OLFM2: variants seen among roughly 807,000 people sequenced by gnomAD.
OLFM2 encodes olfactomedin 2.
A neutral mutation model predicts 43.9 loss-of-function variants in OLFM2; 20 were observed. The ratio of observed to expected loss-of-function variants is 0.46; its 90% CI spans 0.32 to 0.66. The LOEUF is 0.66. Ranked by LOEUF, OLFM2 falls within the 30% of genes least tolerant of loss-of-function variation. The pLI is 0.04. For missense variants in OLFM2, 416 were observed against 643.6 expected, an observed-to-expected ratio of 0.65 and a Z score of 3.83; for synonymous variants, 268 against 278.6, an observed-to-expected ratio of 0.96 and a Z score of 0.38.
At chr19:9,920,120 AT>A (rs1170921099) in intron 1 of OLFM2, among the ~76,000 whole-genome samples, 1 of 151,872 alleles carries the variant, frequency 6.6e-6, no homozygotes, top group African/African-American at 2.4e-5. Flanking sequence ...CACCAAAAAA[AT>A]TTTTTTAAGT....
intron 1 of OLFM2, among the ~76,000 whole-genome samples, chr19:9,900,945 G>GGGAAGTAAGGAAGGAAGGAA (rs2046727219): frequency 1.1e-4 from 2 of 18,924 alleles, no homozygotes; most frequent in Non-Finnish European, 2.0e-4. Flanking sequence ...GGGAGGGAAG[G>GGGAAGTAAGGAAGGAAGGAA]GGAAGGAAGG....
chr19:9,909,181 T>C (rs1344873117), intron 1 of OLFM2, among the ~76,000 whole-genome samples: 1 of 152,044 alleles, frequency 6.6e-6, no homozygotes. Flanking sequence ...TCCTTATTCG[T>C]CCCATAAAGC....
At chr19:9,865,952 G>A (rs765400839) in intron 1 of OLFM2, among the ~76,000 whole-genome samples, 7 of 151,926 alleles carry the variant, frequency 4.6e-5, no homozygotes, top group East Asian at 1.9e-4. Flanking sequence ...AGACAAAGCC[G>A]CCGGTTCAAC....
At chr19:9,870,690 T>C (rs1165573324) in intron 1 of OLFM2, among the ~76,000 whole-genome samples, 1 of 151,844 alleles carries the variant, frequency 6.6e-6, no homozygotes, top group Non-Finnish European at 1.5e-5. Flanking sequence ...CCAGGCTAAC[T>C]CTTCCCCATC....
chr19:9,882,844 CTA>C (rs1305098299), intron 1 of OLFM2, among the ~76,000 whole-genome samples: 5 of 151,456 alleles, frequency 3.3e-5, no homozygotes, highest in African/African-American at 1.2e-4. Flanking sequence ...CAGGAGTGAG[CTA>C]TGATTGTGCC....
At chr19:9,936,222 A>C in intron 1 of OLFM2, 82 bp downstream of exon 1, 9 of 1,420,662 alleles carry the variant, frequency 6.3e-6, no homozygotes, top group African/African-American at 1.5e-5. Context: ...GGAGCCTCCC[A>C]ACCCCGTTTC....
chr19:9,856,056 ACAT>A lies in OLFM2; in HGVS notation c.687+748_687+750del, dbSNP rs1423598617. ...CATGAGGTGACCAGGCGTGTCATCAACATCATTGTTGTCATCATGTTAACTAGC... is the reference window on the plus strand; with the variant it reads ...CATGAGGTGACCAGGCGTGTCATCAACATTGTTGTCATCATGTTAACTAGC... On this transcript the variant is annotated intron_variant, in intron 5 of 5. Coordinates refer to ENST00000264833, the MANE Select transcript of OLFM2 (RefSeq NM_058164.4). This position sits in a 1 kb window ranked among gnomAD's most constrained non-coding sequence, Gnocchi z 4.0. Among the ~76,000 whole-genome samples, 5 of 152,092 alleles carry A rather than the reference ACAT, an allele frequency of 3.3e-5. No individual in the cohort carries two copies. Among genetic ancestry groups the A allele is most frequent in the African/African-American group, 1.2e-4 (5 of 41,406 alleles).
intron 1 of OLFM2, among the ~76,000 whole-genome samples, chr19:9,915,496 T>TTTTATTTA (rs60485300): frequency 0.21 from 19,877 of 93,692 alleles, 1,508 homozygotes; most frequent in Non-Finnish European, 0.23. Context: ...AAAGGGACTT[T>TTTTATTTA]TTTATTTATT....
chr19:9,926,155 T>TA (rs1416408421), intron 1 of OLFM2, among the ~76,000 whole-genome samples: 33 of 149,518 alleles, frequency 2.2e-4, no homozygotes, highest in African/African-American at 7.9e-4. Flanking sequence ...AGACTTTTTT[T>TA]TAAAAAAAAG....
chr19:9,896,531 G>A lies in OLFM2; in HGVS notation c.64-35737C>T, dbSNP rs773582959. ...CCCACCCCGGCCTCCGAAAGTGCTG[G>A]GATTATAGGTGTGAGCCACCACCTC... On this transcript the variant is annotated intron_variant, in intron 1 of 5. Coordinates refer to ENST00000264833, the MANE Select transcript of OLFM2 (RefSeq NM_058164.4). Among the ~76,000 whole-genome samples, 7 of 152,166 alleles carry A rather than the reference G, an allele frequency of 4.6e-5. 1 individual carries two copies. Among genetic ancestry groups the A allele is most frequent in the Admixed American group, 1.3e-4 (2 of 15,262 alleles).
intron 1 of OLFM2, among the ~76,000 whole-genome samples, chr19:9,886,103 G>A (rs114762611): frequency 2.0e-4 from 29 of 148,500 alleles, no homozygotes; most frequent in Non-Finnish European, 2.1e-4. Context: ...TCTCAAAAAA[G>A]AAAAAAAAAA....
Position 9,931,708 on chromosome 19 carries a change from C to CA in OLFM2, c.63+4595dup, listed in dbSNP as rs202150159. 7.0e-3 allele frequency among the ~76,000 whole-genome samples: 821 copies of CA among 117,656 alleles called. 11 individuals are homozygous for CA. Among genetic ancestry groups the CA allele is most frequent in the African/African-American group, 0.026 (664 of 25,284 alleles). The allele number at this position is 117,656 out of a possible 152,430, so 77.2% of individuals were successfully genotyped here. On this transcript the variant is annotated intron_variant, in intron 1 of 5. Coordinates refer to ENST00000264833, the MANE Select transcript of OLFM2 (RefSeq NM_058164.4). The stretch of plus-strand genomic sequence containing the variant: ...TGGGTGACAGAACAAGACTCCATCT[C>CA]AAAAATAAAAAAAAAAAAAGAAATA...
chr19:9,910,865 G>A (rs1457981892), intron 1 of OLFM2, among the ~76,000 whole-genome samples: 3 of 152,032 alleles, frequency 2.0e-5, no homozygotes. Context: ...TAGTGGGTGG[G>A]TGTATGAGTG....
intron 1 of OLFM2, among the ~76,000 whole-genome samples, chr19:9,913,000 G>A (rs2046840012): frequency 6.6e-6 from 1 of 151,462 alleles, no homozygotes. Flanking sequence ...ACTCAGAGAC[G>A]CCGAGACGCA....
At chr19:9,855,005 T>C (rs1296338645) in intron 5 of OLFM2, 142 bp from the exon 6 acceptor site, 7 of 646,230 alleles carry the variant, frequency 1.1e-5, no homozygotes, top group African/African-American at 3.7e-5. Context: ...TTACCAATTA[T>C]GGCCCTAGTG....
Position 9,854,333 on chromosome 19 carries a change from C to T in OLFM2, c.1218G>A (p.Thr406=), listed in dbSNP as rs1358486507. Residue 406 remains threonine, a synonymous_variant, in exon 6 of 6, where the codon ACG becomes ACA. Transcript: ENST00000264833. The surrounding 1 kb of genome is among the most constrained non-coding windows in gnomAD (Gnocchi z 9.5). The part of the protein sequence containing the change: ...YFTNTSSYEY[T]DVPFHNQYSH... ...AATACTGGTTGTGGAAGGGCACGTC[C>T]GTGTACTCGTAACTGGACGTGTTGG... 3.7e-6 allele frequency: 6 copies of T among 1,614,192 alleles called. No individual in the cohort carries two copies. The highest frequency in any genetic ancestry group is 2.2e-5 in the South Asian group (2 of 91,086).
intron 1 of OLFM2, among the ~76,000 whole-genome samples, chr19:9,903,072 G>A (rs993386300): frequency 5.9e-5 from 9 of 152,122 alleles, no homozygotes; most frequent in South Asian, 2.1e-4. Flanking sequence ...TACATATTTT[G>A]TTGTAGAGAC....
intron 1 of OLFM2, chr19:9,913,366 TG>T: frequency 2.0e-6 from 1 of 507,208 alleles, no homozygotes; most frequent in Non-Finnish European, 2.6e-6. Flanking sequence ...GGCAGGGTCG[TG>T]GGAAGCACAG....
In OLFM2 at chr19:9,871,002, G is replaced by C. The variant is rs570057303; in HGVS notation, c.64-10208C>G. ...GTTTAAGACCAGACCGGGCCCAGTG[G>C]CTTATGCCTGTAATCCCAGCACTTT... On this transcript the variant is annotated intron_variant, in intron 1 of 5. Transcript: ENST00000264833. Among the ~76,000 whole-genome samples the C allele has an allele frequency of 3.3e-4, 50 of 152,242 alleles. No homozygotes were observed. The East Asian group carries it at 9.7e-3, about 29-fold the overall frequency.
Sources: gnomAD v4.1 joint callset for allele counts (sites outside exome capture counted in the v4.1 genomes callset) on GRCh38, gnomAD v4.1.1 for gene constraint, Gnocchi (gnomAD v3.1) non-coding constraint, MANE v1.5 for transcripts, NCBI Gene and HGNC (gene_info 2026-07-23, HGNC 2026-07-21) for gene names.